Variants in TMEFF2 observed in about 807,000 individuals in gnomAD.
TMEFF2 encodes transmembrane protein with EGF like and two follistatin like domains 2.
In TMEFF2, 28 loss-of-function variants were observed where a neutral mutation model predicts 53.8. The ratio of observed to expected loss-of-function variants is 0.52; its 90% CI spans 0.39 to 0.71. The LOEUF (loss-of-function observed/expected upper bound fraction) is 0.71. Ranked by LOEUF, TMEFF2 falls within the 30% of genes least tolerant of loss-of-function variation. TMEFF2 has a pLI of 0.00. For missense variants in TMEFF2, 353 were observed against 455.2 expected, an observed-to-expected ratio of 0.78 and a Z score of 2.04; for synonymous variants, 162 against 166.3, an observed-to-expected ratio of 0.97 and a Z score of 0.20.
At chr2:192,133,551 A>T (rs184503736) in intron 4 of TMEFF2, among the ~76,000 whole-genome samples, 199 of 152,322 alleles carry the variant, frequency 1.3e-3, no homozygotes, top group African/African-American at 4.6e-3. Context: ...TTAGTTCAGG[A>T]TCTATGCCTT....
rs767041385 is a variant in TMEFF2, at chr2:192,003,926, T to TGGG, written c.537-4719_537-4718insCCC. On this transcript the variant is annotated intron_variant, in intron 5 of 9. Coordinates refer to ENST00000272771, the MANE Select transcript of TMEFF2 (RefSeq NM_016192.4). Reference sequence around the variant, plus strand: ...ATGAGTGAAAAAATTTGTGTGTGTGTGTGGGGGGGGGGCTCACACTCACCT... The same window carrying TGGG: ...ATGAGTGAAAAAATTTGTGTGTGTGTGGGGTGGGGGGGGGGCTCACACTCACCT... Among the ~76,000 whole-genome samples the TGGG allele has an allele frequency of 7.8e-3, 740 of 95,446 alleles. 15 individuals are homozygous for TGGG. Among genetic ancestry groups the TGGG allele is most frequent in the Non-Finnish European group, 0.012 (546 of 43,718 alleles). The allele number at this position is 95,446 out of a possible 152,430, so 62.6% of individuals were successfully genotyped here.
intron 5 of TMEFF2, among the ~76,000 whole-genome samples, chr2:192,049,612 G>C (rs1418135312): frequency 6.6e-6 from 1 of 152,144 alleles, no homozygotes. Flanking sequence ...AGAAGAAATA[G>C]AGAGTGAGTT....
chr2:192,046,973 T>C (rs1196933031), intron 5 of TMEFF2, among the ~76,000 whole-genome samples: 1 of 151,894 alleles, frequency 6.6e-6, no homozygotes, highest in Non-Finnish European at 1.5e-5. Context: ...CAGGCTGGAG[T>C]GCAGTGGCGT....
chr2:192,025,794 C>T (rs1225494536), intron 5 of TMEFF2, among the ~76,000 whole-genome samples: 2 of 152,064 alleles, frequency 1.3e-5, no homozygotes, highest in Non-Finnish European at 2.9e-5. Context: ...GGTGCTAGCT[C>T]GAGGGGGCCT....
At chr2:192,011,987 C>T (rs1006523827) in intron 5 of TMEFF2, among the ~76,000 whole-genome samples, 18 of 152,160 alleles carry the variant, frequency 1.2e-4, no homozygotes, top group Admixed American at 9.8e-4. Flanking sequence ...CCCAAGTTCT[C>T]GCCATTCTCC....
chr2:191,952,810 G>A (rs1297053661), intron 9 of TMEFF2, among the ~76,000 whole-genome samples: 3 of 152,144 alleles, frequency 2.0e-5, no homozygotes, highest in Non-Finnish European at 4.4e-5. Flanking sequence ...AATTTTTAGA[G>A]AAACATTCTG....
At chr2:192,088,002 G>T (rs1243126166) in intron 4 of TMEFF2, among the ~76,000 whole-genome samples, 3 of 152,116 alleles carry the variant, frequency 2.0e-5, no homozygotes, top group African/African-American at 7.2e-5. Flanking sequence ...ATTTAGAAAA[G>T]GCAAACTCTT....
intron 7 of TMEFF2, among the ~76,000 whole-genome samples, chr2:191,965,948 T>A (rs1379642767): frequency 6.6e-6 from 1 of 151,474 alleles, no homozygotes; most frequent in Non-Finnish European, 1.5e-5. Flanking sequence ...ACACGTTAGT[T>A]CAGAAACTCC....
chr2:192,143,585 C>A (rs1409163880), intron 4 of TMEFF2, among the ~76,000 whole-genome samples: 2 of 152,056 alleles, frequency 1.3e-5, no homozygotes, highest in East Asian at 1.9e-4. Context: ...GGTATTTATT[C>A]ATTTTTTTAA....
At chr2:192,129,619 GA>G (rs1378241841) in intron 4 of TMEFF2, among the ~76,000 whole-genome samples, 1 of 152,172 alleles carries the variant, frequency 6.6e-6, no homozygotes, top group Non-Finnish European at 1.5e-5. Flanking sequence ...GTGCAGCATA[GA>G]ATTAAGGAAA....
At chr2:191,960,039 T>A (rs1692228075) in intron 7 of TMEFF2, among the ~76,000 whole-genome samples, 1 of 152,072 alleles carries the variant, frequency 6.6e-6, no homozygotes, top group South Asian at 2.1e-4. Context: ...ACTAGCTAAC[T>A]TTTTGTATTT....
At chr2:191,958,076 A>C (rs1360115217) in intron 7 of TMEFF2, among the ~76,000 whole-genome samples, 1 of 152,188 alleles carries the variant, frequency 6.6e-6, no homozygotes, top group East Asian at 1.9e-4. Context: ...CGTGTGACCA[A>C]AATGGAAGCG....
intron 3 of TMEFF2, among the ~76,000 whole-genome samples, chr2:192,180,092 T>G (rs1291363953): frequency 6.6e-6 from 1 of 151,566 alleles, no homozygotes; most frequent in African/African-American, 2.4e-5. Flanking sequence ...AACCCATAAT[T>G]AAGGCTTGTA....
chr2:192,120,536 C>T (rs148540798), intron 4 of TMEFF2, among the ~76,000 whole-genome samples: 1,662 of 152,224 alleles, frequency 0.011, 25 homozygotes, highest in African/African-American at 0.036. Flanking sequence ...ACTTGTTCTT[C>T]CCCTCTCTGA....
At chr2:192,169,714 G>T (rs191723633) in intron 4 of TMEFF2, among the ~76,000 whole-genome samples, 1 of 152,178 alleles carries the variant, frequency 6.6e-6, no homozygotes, top group Non-Finnish European at 1.5e-5. Context: ...TTGGTGGAGG[G>T]TCTGAAGATA....
intron 7 of TMEFF2, among the ~76,000 whole-genome samples, chr2:191,964,645 C>G (rs1175011543): frequency 6.6e-6 from 1 of 151,900 alleles, no homozygotes; most frequent in Non-Finnish European, 1.5e-5. Context: ...CAATCCATGT[C>G]CCTTGGTAGA....
chr2:192,009,613 T>A (rs1280003867), intron 5 of TMEFF2, among the ~76,000 whole-genome samples: 1 of 152,214 alleles, frequency 6.6e-6, no homozygotes, highest in South Asian at 2.1e-4. Flanking sequence ...AAATTTACTT[T>A]AAAAAATAAT....
At chr2:192,140,541 T>G (rs1690112611) in intron 4 of TMEFF2, among the ~76,000 whole-genome samples, 1 of 152,056 alleles carries the variant, frequency 6.6e-6, no homozygotes, top group African/African-American at 2.4e-5. Flanking sequence ...CTGATAAGAA[T>G]GAGCAGCATT....
At chr2:191,956,443 A>G (rs1475955273) in intron 7 of TMEFF2, 65 bp from the exon 8 acceptor site, 27 of 1,529,900 alleles carry the variant, frequency 1.8e-5, no homozygotes, top group Admixed American at 6.2e-5. Context: ...CAACCAGTAC[A>G]TTAAGAAGCA....
Sources: gnomAD v4.1 joint callset for allele counts (sites outside exome capture counted in the v4.1 genomes callset) on GRCh38, gnomAD v4.1.1 for gene constraint, MANE v1.5 for transcripts, NCBI Gene and HGNC (gene_info 2026-07-23, HGNC 2026-07-21) for gene names.